PHLPP1: variants seen among roughly 807,000 people sequenced by gnomAD.
The protein encoded by PHLPP1 is PH domain leucine-rich repeat-containing protein phosphatase 1.
Under a neutral mutation model 117.2 loss-of-function variants are expected in PHLPP1, and 42 were observed. That is an observed-to-expected ratio of 0.36 (90% CI 0.28 to 0.46). The LOEUF (loss-of-function observed/expected upper bound fraction) is 0.46. Ranked by LOEUF, PHLPP1 falls within the 20% of genes least tolerant of loss-of-function variation. The pLI, the probability that PHLPP1 is intolerant of heterozygous loss-of-function variation, is 1.00. For missense variants in PHLPP1, 2,084 were observed against 2,241.9 expected (o/e 0.93, Z 1.42); for synonymous variants, 1,042 against 970.7 (o/e 1.07, Z -1.37).
At chr18:62,800,192 C>G (rs564625889) in intron 1 of PHLPP1, among the ~76,000 whole-genome samples, 8 of 152,292 alleles carry the variant, frequency 5.3e-5, no homozygotes, top group East Asian at 1.9e-4. Context: ...TCCCCACCCC[C>G]CACTGGCTGA....
intron 1 of PHLPP1, among the ~76,000 whole-genome samples, chr18:62,818,572 C>T (rs1193796423): frequency 6.6e-6 from 1 of 152,056 alleles, no homozygotes; most frequent in African/African-American, 2.4e-5. Context: ...GGAAGACTTT[C>T]TCAAATTTAC....
intron 12 of PHLPP1, among the ~76,000 whole-genome samples, chr18:62,948,069 C>T (rs759913634): frequency 1.3e-4 from 20 of 150,786 alleles, no homozygotes; most frequent in Non-Finnish European, 2.7e-4. Flanking sequence ...TCAGGCCAGG[C>T]ACGGCAGCTC....
chr18:62,918,429 A>AATATAT (rs34065978), intron 9 of PHLPP1, among the ~76,000 whole-genome samples: 10 of 140,504 alleles, frequency 7.1e-5, no homozygotes, highest in Non-Finnish European at 1.2e-4. Context: ...GTAAAGGATA[A>AATATAT]ATATATATAT....
chr18:62,916,439 G>C (rs1439454783), intron 9 of PHLPP1, among the ~76,000 whole-genome samples: 2 of 151,260 alleles, frequency 1.3e-5, no homozygotes, highest in African/African-American at 4.9e-5. Context: ...AAAGAAATCT[G>C]AGTTATATTT....
intron 4 of PHLPP1, among the ~76,000 whole-genome samples, chr18:62,875,531 T>C (rs1341268849): frequency 6.6e-6 from 1 of 152,062 alleles, no homozygotes; most frequent in Non-Finnish European, 1.5e-5. Flanking sequence ...GGCTTTGCAT[T>C]CTGAGAGGGC....
chr18:62,897,631 C>T (rs924430080), intron 6 of PHLPP1, among the ~76,000 whole-genome samples: 7 of 152,130 alleles, frequency 4.6e-5, no homozygotes, highest in Admixed American at 2.0e-4. Context: ...CTCAACCTCC[C>T]GAGTAGCTGG....
intron 3 of PHLPP1, among the ~76,000 whole-genome samples, chr18:62,848,842 A>G (rs1232750734): frequency 6.6e-6 from 1 of 152,242 alleles, no homozygotes; most frequent in Non-Finnish European, 1.5e-5. Flanking sequence ...GAACTGATAT[A>G]TAAAGCGTTC....
intron 4 of PHLPP1, among the ~76,000 whole-genome samples, chr18:62,886,573 C>G (rs1916294810): frequency 6.6e-6 from 1 of 152,186 alleles, no homozygotes; most frequent in African/African-American, 2.4e-5. Context: ...TGGCACCAGC[C>G]TTTGCACTTT....
At chr18:62,840,454 A>T (rs1599076208) in intron 3 of PHLPP1, among the ~76,000 whole-genome samples, 1 of 152,356 alleles carries the variant, frequency 6.6e-6, no homozygotes, top group East Asian at 1.9e-4. Flanking sequence ...GTCTGGTTTT[A>T]AAATTATTCA....
At chr18:62,759,680 A>C (rs1244429249) in intron 1 of PHLPP1, among the ~76,000 whole-genome samples, 2 of 152,324 alleles carry the variant, frequency 1.3e-5, no homozygotes, top group African/African-American at 4.8e-5. Flanking sequence ...TACCCACCCA[A>C]ATTAATCTTG....
intron 14 of PHLPP1, among the ~76,000 whole-genome samples, chr18:62,969,443 T>TA (rs1429322962): frequency 6.6e-6 from 1 of 152,224 alleles, no homozygotes; most frequent in African/African-American, 2.4e-5. Context: ...TCCAGAATCT[T>TA]ACCTATCTTG....
At chr18:62,919,547 G>A (rs2144424877) in intron 9 of PHLPP1, among the ~76,000 whole-genome samples, 1 of 152,304 alleles carries the variant, frequency 6.6e-6, no homozygotes, top group Middle Eastern at 3.4e-3. Context: ...TTTATTTAAT[G>A]CAGATCCTGT....
At chr18:62,767,641 T>C (rs999477361) in intron 1 of PHLPP1, among the ~76,000 whole-genome samples, 12 of 152,246 alleles carry the variant, frequency 7.9e-5, no homozygotes, top group African/African-American at 2.9e-4. Flanking sequence ...CACAGAGTTT[T>C]AGAATGCAAG....
intron 4 of PHLPP1, among the ~76,000 whole-genome samples, chr18:62,876,143 C>T (rs1192634037): frequency 2.0e-5 from 3 of 151,896 alleles, no homozygotes; most frequent in Non-Finnish European, 2.9e-5. Flanking sequence ...GAAAACCTTA[C>T]GTAGAAAAAT....
At chr18:62,880,522 G>C (rs1916150277) in intron 4 of PHLPP1, among the ~76,000 whole-genome samples, 1 of 151,540 alleles carries the variant, frequency 6.6e-6, no homozygotes, top group Non-Finnish European at 1.5e-5. Context: ...GTTTTGTTTT[G>C]TTATTGTAAT....
At chr18:62,822,356 A>ACTGCAAGCTCTGCCTCC (rs1914492214) in intron 1 of PHLPP1, among the ~76,000 whole-genome samples, 1 of 137,468 alleles carries the variant, frequency 7.3e-6, no homozygotes, top group African/African-American at 2.7e-5. Flanking sequence ...ATCTTGGCTC[A>ACTGCAAGCTCTGCCTCC]CTGCAAGCTC....
At chr18:62,891,250 T>TA (rs1450504153) in intron 4 of PHLPP1, among the ~76,000 whole-genome samples, 3 of 152,330 alleles carry the variant, frequency 2.0e-5, no homozygotes, top group Non-Finnish European at 2.9e-5. Flanking sequence ...AACATTTATT[T>TA]ATGTCAATTA....
intron 1 of PHLPP1, among the ~76,000 whole-genome samples, chr18:62,816,948 A>G (rs1370640148): frequency 6.6e-6 from 1 of 152,130 alleles, no homozygotes; most frequent in Non-Finnish European, 1.5e-5. Flanking sequence ...CTATTTAAGT[A>G]TTTTAATAGT....
At chr18:62,925,151 C>T (rs879367450) in intron 10 of PHLPP1, among the ~76,000 whole-genome samples, 2 of 152,072 alleles carry the variant, frequency 1.3e-5, no homozygotes, top group Non-Finnish European at 2.9e-5. Flanking sequence ...CTCCATGGGT[C>T]ACCGGAGTGG....
Sources: gnomAD v4.1 joint callset for allele counts (sites outside exome capture counted in the v4.1 genomes callset) on GRCh38, gnomAD v4.1.1 for gene constraint, MANE v1.5 for transcripts, NCBI Gene and HGNC (gene_info 2026-07-23, HGNC 2026-07-21) for gene names.